Variants in FAM135B observed in about 807,000 individuals in gnomAD.
The protein encoded by FAM135B is family with sequence similarity 135 member B.
Under a neutral mutation model 127.7 loss-of-function variants are expected in FAM135B, and 43 were observed. The ratio of observed to expected loss-of-function variants is 0.34; its 90% CI spans 0.26 to 0.43. The LOEUF (loss-of-function observed/expected upper bound fraction) is 0.43, where lower values mean the gene tolerates loss of function less well. Among genes scored for constraint, FAM135B ranks in the 20% least tolerant of loss-of-function variants. The probability of loss-of-function intolerance (pLI) is 1.00; values close to 1 mark genes in which losing one functional copy is unlikely to be tolerated. For missense variants in FAM135B, 1,558 were observed against 1,725.6 expected (o/e 0.90, Z 1.72); for synonymous variants, 670 against 665.1 (o/e 1.01, Z -0.11).
intron 7 of FAM135B, among the ~76,000 whole-genome samples, chr8:138,210,953 G>T (rs1818095580): frequency 6.6e-6 from 1 of 152,178 alleles, no homozygotes; most frequent in South Asian, 2.1e-4. Context: ...GGAAGCAGAA[G>T]TGGCCTTTCT....
Position 138,456,487 on chromosome 8 carries a change from T to A in FAM135B, c.-20+40184A>T, listed in dbSNP as rs1386748192. ...TAGCTTCTGTGTTTTGCTCCTTCAA[T>A]ATAATCCATGCTCCCAGCCTAGGGA... On this transcript the variant is annotated intron_variant, in intron 1 of 19. Transcript: ENST00000395297. 2.0e-5 allele frequency among the ~76,000 whole-genome samples: 3 copies of A among 152,276 alleles called. No homozygotes were observed. In the East Asian group the frequency reaches 5.8e-4, roughly 29 times the overall value.
intron 7 of FAM135B, among the ~76,000 whole-genome samples, chr8:138,240,679 A>G (rs1820688391): frequency 6.6e-6 from 1 of 152,190 alleles, no homozygotes; most frequent in African/African-American, 2.4e-5. Flanking sequence ...TGCCTAGAGA[A>G]TTGAAGAGAA....
intron 3 of FAM135B, among the ~76,000 whole-genome samples, chr8:138,271,594 C>T (rs775619725): frequency 1.3e-5 from 2 of 152,090 alleles, no homozygotes; most frequent in Non-Finnish European, 2.9e-5. Flanking sequence ...CATCATTGTC[C>T]GACTCCACAG....
chr8:138,295,992 C>A (rs559233480), intron 3 of FAM135B, among the ~76,000 whole-genome samples: 1 of 152,290 alleles, frequency 6.6e-6, no homozygotes, highest in Non-Finnish European at 1.5e-5. Flanking sequence ...TGAAGGCATG[C>A]ATCCGGGATG....
rs2130453961 is a variant in FAM135B at position 138,130,079 on chromosome 8, T to C, written c.*2514A>G. 6.6e-6 allele frequency: 1 copy of C among 152,144 alleles called. No individual in the cohort carries two copies. Among genetic ancestry groups the C allele is most frequent in the Non-Finnish European group, 1.5e-5 (1 of 67,976 alleles). The allele number at this position is 152,144 out of a possible 1,614,324, so 9.4% of individuals were successfully genotyped here. ...ACTCATTTTGGGAAACAACAAATCA[T>C]AAAAACAAAAACAAAAATTACGCAG... is the stretch of plus-strand genomic sequence containing the variant. On this transcript the variant is annotated 3_prime_UTR_variant, in exon 20 of 20. Transcript: ENST00000395297.
At position 138,236,510 on chromosome 8, in the gene FAM135B, A is replaced by T. The variant is rs146006271; in HGVS notation, c.669+6432T>A. Among the ~76,000 whole-genome samples, 143 of 152,212 alleles carry T rather than the reference A, an allele frequency of 9.4e-4. 1 individual carries two copies. The highest frequency in any genetic ancestry group is 3.3e-3 in the African/African-American group (137 of 41,550). ...CACAACCTTCTTTGGTTAAACATTC[A>T]CATCATGGTTAATGATGGGGATGAG... On this transcript the variant is annotated intron_variant, in intron 7 of 19. Transcript: ENST00000395297.
intron 12 of FAM135B, among the ~76,000 whole-genome samples, chr8:138,163,629 T>C (rs1819623897): frequency 6.6e-6 from 1 of 152,186 alleles, no homozygotes; most frequent in Non-Finnish European, 1.5e-5. Context: ...TGCTGCCATG[T>C]AAGACGTGCG....
At chr8:138,459,927 T>C (rs1323679791) in intron 1 of FAM135B, among the ~76,000 whole-genome samples, 1 of 115,434 alleles carries the variant, frequency 8.7e-6, no homozygotes, top group Non-Finnish European at 2.0e-5. Context: ...CACCCATCCT[T>C]GTACTCTGCT....
rs187132081 is a variant in FAM135B, at chr8:138,241,212, C to T, written c.669+1730G>A. ...GACAGTCCAATGACATGCTACAGGG[C>T]TCACTGCTTTCCACTCGCTTTCTTA... On this transcript the variant is annotated intron_variant, in intron 7 of 19. Transcript: ENST00000395297. This position sits in a 1 kb window ranked among gnomAD's most constrained non-coding sequence, Gnocchi z 4.8. 2.0e-5 allele frequency among the ~76,000 whole-genome samples: 3 copies of T among 152,338 alleles called. No homozygotes were observed. In the East Asian group the frequency reaches 5.8e-4, roughly 29 times the overall value.
At chr8:138,225,474 CA>C (rs137859487) in intron 7 of FAM135B, among the ~76,000 whole-genome samples, 2 of 149,094 alleles carry the variant, frequency 1.3e-5, no homozygotes, top group Non-Finnish European at 3.0e-5. Flanking sequence ...AACAAAAAAA[CA>C]AAAAAAACAA....
intron 3 of FAM135B, among the ~76,000 whole-genome samples, chr8:138,299,552 G>C (rs1331731045): frequency 6.6e-6 from 1 of 150,852 alleles, no homozygotes; most frequent in Non-Finnish European, 1.5e-5. Context: ...GAATGGTTGA[G>C]ATACGCATGC....
At chr8:138,400,361 G>A (rs1833089511) in intron 1 of FAM135B, among the ~76,000 whole-genome samples, 1 of 152,186 alleles carries the variant, frequency 6.6e-6, no homozygotes, top group South Asian at 2.1e-4. Flanking sequence ...AATAAGTGGA[G>A]AGCAGAATGC....
chr8:138,429,818 GT>G (rs1168343067), intron 1 of FAM135B, among the ~76,000 whole-genome samples: 3 of 152,084 alleles, frequency 2.0e-5, no homozygotes, highest in African/African-American at 4.8e-5. Context: ...TTAGAACTAT[GT>G]TTTTTTAACA....
chr8:138,399,473 G>A (rs1270878343), intron 1 of FAM135B, among the ~76,000 whole-genome samples: 2 of 152,092 alleles, frequency 1.3e-5, no homozygotes, highest in African/African-American at 2.4e-5. Flanking sequence ...GGGCAGAAGC[G>A]AGGCATTTTT....
At chr8:138,158,587 AT>A (rs1819020999) in intron 12 of FAM135B, among the ~76,000 whole-genome samples, 1 of 152,222 alleles carries the variant, frequency 6.6e-6, no homozygotes, top group Non-Finnish European at 1.5e-5. Context: ...ACTTAAACAA[AT>A]TTACAAGAAA....
In FAM135B at chr8:138,151,591, T is replaced by A. The variant is rs1165542173; in HGVS notation, c.2884A>T (p.Ile962Phe). 6.2e-7 allele frequency: 1 copy of A among 1,614,082 alleles called. No homozygotes were observed. Among genetic ancestry groups the A allele is most frequent in the East Asian group, 2.2e-5 (1 of 44,888 alleles). ...GQQSQSGSPC[I>F]MDDTAFNRGV... ...CTATTAAATGCTGTGTCATCCATAA[T>A]GCAAGGTGAACCGCTTTGGCTTTGC... Residue 962 changes from isoleucine (I) to phenylalanine (F), a missense_variant, in exon 13 of 20, where the codon ATT (isoleucine) becomes TTT (phenylalanine). By Grantham distance (21) the Ile-to-Phe change is conservative. Transcript: ENST00000395297.
At chr8:138,156,178 A>T (rs887221014) in intron 12 of FAM135B, among the ~76,000 whole-genome samples, 1 of 152,162 alleles carries the variant, frequency 6.6e-6, no homozygotes, top group Non-Finnish European at 1.5e-5. Context: ...AAACTGAACA[A>T]CCTGCTCCTG....
Position 138,132,361 on chromosome 8 carries a change from C to T in FAM135B, c.*232G>A, listed in dbSNP as rs977015090. On this transcript the variant is annotated 3_prime_UTR_variant, in exon 20 of 20. Transcript: ENST00000395297. The surrounding 1 kb of genome is among the most constrained non-coding windows in gnomAD (Gnocchi z 4.5). ...TTTTCCTAGAAAACATCTTGAATGA[C>T]ACTCCAGGTAACTATACAAATTCAA... is the stretch of plus-strand genomic sequence containing the variant. 14 of 490,980 alleles carry T rather than the reference C, an allele frequency of 2.9e-5. No homozygotes were observed. Among genetic ancestry groups the T allele is most frequent in the African/African-American group, 2.7e-4 (14 of 51,678 alleles). 30.4% of individuals were successfully genotyped at this position (490,980 alleles called of 1,614,324 possible).
At position 138,413,758 on chromosome 8, in the gene FAM135B, C is replaced by T. The variant is rs554519184; in HGVS notation, c.-19-45756G>A. 8.5e-5 allele frequency among the ~76,000 whole-genome samples: 13 copies of T among 152,110 alleles called. No individual in the cohort carries two copies. The East Asian group carries it at 2.3e-3, about 27-fold the overall frequency. ...AAAACTCACACTCTTTCAACCAGTT[C>T]CATATTCAGCCTGCACCCAGTTTGC... On this transcript the variant is annotated intron_variant, in intron 1 of 19. Transcript: ENST00000395297.
Sources: gnomAD v4.1 joint callset for allele counts (sites outside exome capture counted in the v4.1 genomes callset) on GRCh38, gnomAD v4.1.1 for gene constraint, Gnocchi (gnomAD v3.1) non-coding constraint, MANE v1.5 for transcripts, NCBI Gene and HGNC (gene_info 2026-07-23, HGNC 2026-07-21) for gene names.